Variants in GRIK4 observed in about 807,000 individuals in gnomAD.
The protein encoded by GRIK4 is glutamate receptor ionotropic, kainate 4.
In GRIK4, 40 loss-of-function variants were observed where a neutral mutation model predicts 104.9. The observed-to-expected ratio is 0.38, with a 90% CI of 0.30 to 0.50. The LOEUF (loss-of-function observed/expected upper bound fraction) is 0.50, where lower values mean the gene tolerates loss of function less well. GRIK4 is among the 20% of genes least tolerant of loss of function. The pLI is 0.93. For synonymous variants in GRIK4, 485 were observed against 524.9 expected (o/e 0.92, Z 1.04); for missense variants, 1,047 against 1,308.1 (o/e 0.80, Z 3.08).
At chr11:120,856,997 C>G (rs922690224) in intron 8 of GRIK4, among the ~76,000 whole-genome samples, 2 of 152,148 alleles carry the variant, frequency 1.3e-5, no homozygotes, top group African/African-American at 2.4e-5. Context: ...TTCCCTTATC[C>G]CTCCATGTTC....
At chr11:120,595,522 G>C (rs1247810194) in intron 1 of GRIK4, among the ~76,000 whole-genome samples, 4 of 152,234 alleles carry the variant, frequency 2.6e-5, no homozygotes, top group Admixed American at 6.5e-5. Context: ...GACTGAGGGC[G>C]TGAATGGAGG....
At position 120,835,684 on chromosome 11, in the gene GRIK4, A is replaced by G. The variant is rs567559638; in HGVS notation, c.691-1107A>G. The stretch of plus-strand genomic sequence containing the variant: ...GACAAAACGGGTCTCCCAGTGGCCC[A>G]GGGCTGCAGAATACATTATGAAAAT... On this transcript the variant is annotated intron_variant, in intron 7 of 20. Coordinates refer to ENST00000527524, the MANE Select transcript of GRIK4 (RefSeq NM_014619.5). 1.3e-5 allele frequency among the ~76,000 whole-genome samples: 2 copies of G among 152,310 alleles called. 1 individual carries two copies. The highest frequency in any genetic ancestry group is 4.1e-4 in the South Asian group (2 of 4,820).
At chr11:120,861,850 T>C in intron 8 of GRIK4, 109 bp from the exon 9 acceptor site, 1 of 814,424 alleles carries the variant, frequency 1.2e-6, no homozygotes, top group Non-Finnish European at 2.1e-6. Context: ...ACAGAGTGTC[T>C]GGTGTTCACT....
At chr11:120,571,723 A>T (rs1948402476) in intron 1 of GRIK4, among the ~76,000 whole-genome samples, 1 of 151,560 alleles carries the variant, frequency 6.6e-6, no homozygotes, top group Non-Finnish European at 1.5e-5. Context: ...CCCATTGTGG[A>T]TGTCTGTCTT....
intron 1 of GRIK4, among the ~76,000 whole-genome samples, chr11:120,538,012 C>T (rs149926200): frequency 6.6e-5 from 10 of 152,320 alleles, no homozygotes; most frequent in Admixed American, 1.3e-4. Flanking sequence ...AAATAAAAAT[C>T]TTTTCTTAGT....
chr11:120,579,828 TG>T (rs925850894), intron 1 of GRIK4, among the ~76,000 whole-genome samples: 8 of 152,206 alleles, frequency 5.3e-5, no homozygotes, highest in African/African-American at 1.9e-4. Context: ...TCCTGAGTTG[TG>T]TAACCACCAC....
chr11:120,822,207 A>T (rs113891395), intron 6 of GRIK4, among the ~76,000 whole-genome samples: 1 of 119,104 alleles, frequency 8.4e-6, no homozygotes, highest in African/African-American at 3.5e-5. Context: ...GGGAAACCCT[A>T]TCTCAAAAAA....
At chr11:120,577,085 G>A (rs1948495269) in intron 1 of GRIK4, among the ~76,000 whole-genome samples, 1 of 152,178 alleles carries the variant, frequency 6.6e-6, no homozygotes, top group Admixed American at 6.5e-5. Context: ...GTGATAATGA[G>A]AATATAAGAG....
intron 1 of GRIK4, among the ~76,000 whole-genome samples, chr11:120,565,190 C>T (rs1017273987): frequency 1.3e-5 from 2 of 152,234 alleles, no homozygotes; most frequent in African/African-American, 4.8e-5. Flanking sequence ...GCCCAGCTGT[C>T]CCGGCCGCCG....
intron 3 of GRIK4, among the ~76,000 whole-genome samples, chr11:120,755,206 C>T (rs1824844510): frequency 6.6e-6 from 1 of 152,208 alleles, no homozygotes; most frequent in Admixed American, 6.5e-5. Context: ...CCTGCCTTTA[C>T]AGCCACAGTG....
intron 3 of GRIK4, among the ~76,000 whole-genome samples, chr11:120,760,064 G>A (rs1019754942): frequency 6.6e-6 from 1 of 151,630 alleles, no homozygotes. Context: ...TCCTCACATT[G>A]TACGTTAGGT....
intron 3 of GRIK4, among the ~76,000 whole-genome samples, chr11:120,733,378 T>G (rs116720891): frequency 0.75 from 113,064 of 151,274 alleles, 42,613 homozygotes; most frequent in Middle Eastern, 0.85. Flanking sequence ...TTTCTGTTTT[T>G]TTTTGTGATC....
chr11:120,967,933 C>T lies in GRIK4; in HGVS notation c.2395+610C>T, dbSNP rs1432801544. 1.3e-5 allele frequency among the ~76,000 whole-genome samples: 2 copies of T among 152,142 alleles called. No individual in the cohort carries two copies. Among genetic ancestry groups the T allele is most frequent in the East Asian group, 3.9e-4 (2 of 5,190 alleles). On this transcript the variant is annotated intron_variant, in intron 19 of 20. Coordinates refer to ENST00000527524, the MANE Select transcript of GRIK4 (RefSeq NM_014619.5). The surrounding 1 kb of genome is among the most constrained non-coding windows in gnomAD (Gnocchi z 4.2). ...AAGAGCTCTTCACTCCCACCCTACA[C>T]ATTTCTCTCCATCACCTTAACCCCA...
intron 3 of GRIK4, among the ~76,000 whole-genome samples, chr11:120,793,191 G>A (rs1952434766): frequency 6.6e-6 from 1 of 152,156 alleles, no homozygotes; most frequent in South Asian, 2.1e-4. Context: ...TGGGTGGAGT[G>A]GTGGGGACGG....
At chr11:120,860,158 A>T (rs1238256688) in intron 8 of GRIK4, among the ~76,000 whole-genome samples, 1 of 152,204 alleles carries the variant, frequency 6.6e-6, no homozygotes, top group Non-Finnish European at 1.5e-5. Context: ...AGGGTCTGGA[A>T]GTCCTGTGTA....
chr11:120,919,941 G>A (rs562572077), intron 13 of GRIK4, among the ~76,000 whole-genome samples: 33 of 152,154 alleles, frequency 2.2e-4, no homozygotes, highest in African/African-American at 7.7e-4. Flanking sequence ...ATTAGACATG[G>A]GTATAGGAAG....
intron 3 of GRIK4, among the ~76,000 whole-genome samples, chr11:120,739,150 C>T (rs1284029728): frequency 1.3e-5 from 2 of 152,224 alleles, no homozygotes; most frequent in Non-Finnish European, 2.9e-5. Flanking sequence ...CCTGTAGCCA[C>T]CTGCCCTGCC....
chr11:120,655,583 A>G (rs1949694119), intron 2 of GRIK4, among the ~76,000 whole-genome samples: 1 of 152,188 alleles, frequency 6.6e-6, no homozygotes, highest in Admixed American at 6.5e-5. Context: ...AAATGGAGAG[A>G]GAAAGACCAG....
intron 13 of GRIK4, among the ~76,000 whole-genome samples, chr11:120,930,570 G>A (rs1487357323): frequency 1.3e-5 from 2 of 152,190 alleles, no homozygotes; most frequent in East Asian, 1.9e-4. Flanking sequence ...ACTAATACAA[G>A]GAAATTTATA....
Sources: gnomAD v4.1 joint callset for allele counts (sites outside exome capture counted in the v4.1 genomes callset) on GRCh38, gnomAD v4.1.1 for gene constraint, Gnocchi (gnomAD v3.1) non-coding constraint, MANE v1.5 for transcripts, NCBI Gene and HGNC (gene_info 2026-07-23, HGNC 2026-07-21) for gene names.